The following TRIO variants were observed in gnomAD, a reference collection of about 807,000 sequenced individuals.
The protein encoded by TRIO is trio Rho guanine nucleotide exchange factor.
In TRIO, 58 loss-of-function variants were observed where a neutral mutation model predicts 351.9. The ratio of observed to expected loss-of-function variants is 0.16; its 90% CI spans 0.13 to 0.21. TRIO has a LOEUF of 0.21. Ranked by LOEUF, TRIO falls within the 10% of genes least tolerant of loss-of-function variation. The pLI is 1.00. For missense variants in TRIO, 3,201 were observed against 4,027.8 expected, an observed-to-expected ratio of 0.79 and a Z score of 5.56; for synonymous variants, 1,758 against 1,595.7, an observed-to-expected ratio of 1.10 and a Z score of -2.42.
At chr5:14,333,443 G>T (rs1271419954) in intron 10 of TRIO, among the ~76,000 whole-genome samples, 2 of 152,084 alleles carry the variant, frequency 1.3e-5, no homozygotes, top group East Asian at 3.9e-4. Context: ...GTTACCTGGG[G>T]CTTTTAATTT....
chr5:14,498,515 G>T lies in TRIO; in HGVS notation c.8211-4G>T, dbSNP rs115607794. The stretch of plus-strand genomic sequence containing the variant: ...TGCGCAGTGTGTTCCCATCTGTGCC[G>T]CAGTGACCTGGGAGAGGCCACGCTG... On this transcript the variant is annotated splice_region_variant and splice_polypyrimidine_tract_variant and intron_variant, in intron 52 of 56. Transcript: ENST00000344204. 1.5e-5 allele frequency: 25 copies of T among 1,613,584 alleles called. No homozygotes were observed. Among genetic ancestry groups the T allele is most frequent in the Non-Finnish European group, 1.9e-5 (22 of 1,179,658 alleles).
chr5:14,382,271 TAG>T (rs1265491109), intron 21 of TRIO, among the ~76,000 whole-genome samples: 2 of 152,228 alleles, frequency 1.3e-5, no homozygotes, highest in African/African-American at 4.8e-5. Context: ...TTCAATCATG[TAG>T]AGAGAGGACA....
In TRIO at chr5:14,432,119, C is replaced by T. The variant is rs554127112; in HGVS notation, c.5203+12098C>T. 2.6e-5 allele frequency among the ~76,000 whole-genome samples: 4 copies of T among 152,302 alleles called. No individual in the cohort carries two copies. In the East Asian group the frequency reaches 7.7e-4, roughly 29 times the overall value. ...CAGTAGTAACAGAGAGCATGGGGTG[C>T]GGACTTGCCATTGCCAGCCACAGTG... On this transcript the variant is annotated intron_variant, in intron 34 of 56. Coordinates refer to ENST00000344204, the MANE Select transcript of TRIO (RefSeq NM_007118.4).
chr5:14,262,389 T>C (rs1350024129), intron 1 of TRIO, among the ~76,000 whole-genome samples: 1 of 151,828 alleles, frequency 6.6e-6, no homozygotes, highest in Non-Finnish European at 1.5e-5. Context: ...CTGCAGGTAA[T>C]TGCAGTTCCT....
intron 3 of TRIO, among the ~76,000 whole-genome samples, chr5:14,282,403 T>G (rs955114246): frequency 1.3e-5 from 2 of 152,198 alleles, no homozygotes; most frequent in Admixed American, 6.5e-5. Flanking sequence ...TAAAGTTGAA[T>G]TTGATATTCA....
intron 34 of TRIO, among the ~76,000 whole-genome samples, chr5:14,454,682 C>G (rs1753119746): frequency 1.3e-5 from 2 of 152,222 alleles, no homozygotes; most frequent in African/African-American, 2.4e-5. Context: ...TTAGAAACAA[C>G]CAGACATGGT....
At chr5:14,226,005 G>A (rs1353465139) in intron 1 of TRIO, among the ~76,000 whole-genome samples, 2 of 152,166 alleles carry the variant, frequency 1.3e-5, no homozygotes, top group Non-Finnish European at 2.9e-5. Flanking sequence ...GATGCTTCCT[G>A]CTCCTTTCCT....
rs1449499768 is a variant in TRIO, at chr5:14,291,198, G to A, written c.1023G>A (p.Gln341=). 2 of 1,614,072 alleles carry A rather than the reference G, an allele frequency of 1.2e-6. No individual in the cohort carries two copies. Among genetic ancestry groups the A allele is most frequent in the Non-Finnish European group, 8.5e-7 (1 of 1,179,948 alleles). The change falls in exon 5 of 57, where the codon CAG becomes CAA. Residue 341 remains glutamine (Q), a synonymous_variant. Transcript: ENST00000344204. Reference sequence around the variant, plus strand: ...AGCTGAAGCTGGACCAGTGCTTCCAGCTGAGGCTGTTTGAACAGGATGCTG... The same window carrying A: ...AGCTGAAGCTGGACCAGTGCTTCCAACTGAGGCTGTTTGAACAGGATGCTG... ...VRKLKLDQCF[Q]LRLFEQDAEK...
At chr5:14,472,393 T>C (rs1754755644) in intron 38 of TRIO, among the ~76,000 whole-genome samples, 199 bp from the exon 39 acceptor site, 1 of 152,196 alleles carries the variant, frequency 6.6e-6, no homozygotes, top group South Asian at 2.1e-4. Flanking sequence ...CTAGGTGTCT[T>C]TTGACCTCCA....
In TRIO at chr5:14,363,785, C is replaced by G; in HGVS notation, c.2445C>G (p.Asp815Glu). ...WNDELSQQMN[D>E]FDTEDLTIAE... is the part of the protein sequence containing the mutation. ...ATGAGCTTTCTCAGCAAATGAATGA[C>G]TTCGACACAGAAGATCTCACGATTG... The change falls in exon 14 of 57, where the codon GAC (aspartate) becomes GAG (glutamate). Residue 815 changes from aspartate (D) to glutamate (E), a missense_variant. Around this residue, in one of 19 missense-constraint regions of TRIO, gnomAD observed 363 missense variants for 553.5 expected, o/e 0.66. Coordinates refer to ENST00000344204, the MANE Select transcript of TRIO (RefSeq NM_007118.4). 1 of 1,614,188 alleles carries G rather than the reference C, an allele frequency of 6.2e-7. No individual in the cohort carries two copies. Among genetic ancestry groups the G allele is most frequent in the Non-Finnish European group, 8.5e-7 (1 of 1,180,032 alleles).
intron 33 of TRIO, among the ~76,000 whole-genome samples, chr5:14,409,844 A>AG (rs1171118088): frequency 6.6e-6 from 1 of 151,360 alleles, no homozygotes; most frequent in African/African-American, 2.4e-5. Context: ...CAAAAAAAAA[A>AG]AAAAAAAAAG....
At chr5:14,419,539 T>G (rs773805025) in intron 33 of TRIO, among the ~76,000 whole-genome samples, 51 of 152,172 alleles carry the variant, frequency 3.4e-4, no homozygotes, top group Non-Finnish European at 5.7e-4. Flanking sequence ...AAAAAATGAG[T>G]GTATATATAA....
intron 8 of TRIO, among the ~76,000 whole-genome samples, chr5:14,304,940 A>G (rs7732548): frequency 0.1 from 15,239 of 152,174 alleles, 1,294 homozygotes; most frequent in African/African-American, 0.23. Flanking sequence ...CCCAAATGAA[A>G]CCTTTTAGAG....
chr5:14,251,113 A>G (rs1794716139), intron 1 of TRIO, among the ~76,000 whole-genome samples: 1 of 152,194 alleles, frequency 6.6e-6, no homozygotes. Context: ...AGGCCAGGAC[A>G]GCTTTCTGCT....
intron 36 of TRIO, among the ~76,000 whole-genome samples, chr5:14,465,007 G>A (rs1754143089): frequency 6.6e-6 from 1 of 152,146 alleles, no homozygotes; most frequent in African/African-American, 2.4e-5. Context: ...AAAATGGTGA[G>A]CTTGTCCCCC....
intron 1 of TRIO, among the ~76,000 whole-genome samples, chr5:14,261,367 A>G (rs1795334648): frequency 6.6e-6 from 1 of 152,190 alleles, no homozygotes; most frequent in Admixed American, 6.5e-5. Context: ...CAGAGGCTTA[A>G]CTTGTGTTCA....
chr5:14,182,795 A>G (rs913482659), intron 1 of TRIO, among the ~76,000 whole-genome samples: 1 of 151,692 alleles, frequency 6.6e-6, no homozygotes, highest in Non-Finnish European at 1.5e-5. Flanking sequence ...AGTTCTGATG[A>G]TTTTTAAAAA....
intron 1 of TRIO, among the ~76,000 whole-genome samples, chr5:14,266,144 C>G (rs1221551389): frequency 6.6e-6 from 1 of 151,992 alleles, no homozygotes; most frequent in Non-Finnish European, 1.5e-5. Flanking sequence ...CTGCACCCTT[C>G]GCCTCCTGGG....
intron 38 of TRIO, among the ~76,000 whole-genome samples, chr5:14,471,955 TG>T (rs1453481727): frequency 2.7e-5 from 4 of 150,846 alleles, no homozygotes; most frequent in Admixed American, 6.6e-5. Context: ...CGGCAGAGAC[TG>T]GGTGTTTTAT....
Sources: allele counts gnomAD v4.1 joint callset (sites outside exome capture counted in the v4.1 genomes callset), GRCh38; gene constraint gnomAD v4.1.1; regional missense constraint gnomAD v4.1.1; transcripts MANE v1.5; gene names NCBI Gene and HGNC (gene_info 2026-07-23, HGNC 2026-07-21).